The following XKR7 variants were observed in gnomAD, a reference collection of about 807,000 sequenced individuals.
The protein encoded by XKR7 is XK related 7, also known as XK-related protein 7.
In XKR7, 11 loss-of-function variants were observed where a neutral mutation model predicts 42.2. The ratio of observed to expected loss-of-function variants is 0.26; its 90% confidence interval spans 0.16 to 0.43. The LOEUF is 0.43. Among genes scored for constraint, XKR7 ranks in the 20% least tolerant of loss-of-function variants. XKR7 has a pLI of 1.00. For synonymous variants in XKR7, 346 were observed against 366.4 expected, an observed-to-expected ratio of 0.94 and a Z score of 0.64; for missense variants, 710 against 802.2, an observed-to-expected ratio of 0.89 and a Z score of 1.39.
rs1356687347 is a variant in XKR7 at position 31,995,293 on chromosome 20, T to G, written c.787+23T>G. On this transcript the variant is annotated intron_variant, in intron 2 of 2. Coordinates refer to ENST00000562532, the MANE Select transcript of XKR7 (RefSeq NM_001011718.2). The surrounding 1 kb of genome is among the most constrained non-coding windows in gnomAD (Gnocchi z 4.1). ...CGGGTGAGCCCGCCCCTTCACCCTCTGCGCCTGGGACCACCCCACCGGGCC... is the reference window on the plus strand; with the variant it reads ...CGGGTGAGCCCGCCCCTTCACCCTCGGCGCCTGGGACCACCCCACCGGGCC... 3.3e-6 allele frequency: 5 copies of G among 1,532,896 alleles called. No homozygotes were observed. Among genetic ancestry groups the G allele is most frequent in the Non-Finnish European group, 3.5e-6 (4 of 1,145,914 alleles). The allele number at this position is 1,532,896 out of a possible 1,614,324, so 95.0% of individuals were successfully genotyped here.
chr20:31,983,277 A>G (rs1358767240), intron 1 of XKR7, among the ~76,000 whole-genome samples: 1 of 152,244 alleles, frequency 6.6e-6, no homozygotes, highest in Non-Finnish European at 1.5e-5. Flanking sequence ...GGGGAAAGAC[A>G]GGCAATAAAT....
intron 1 of XKR7, among the ~76,000 whole-genome samples, chr20:31,992,514 A>G (rs559235418): frequency 6.6e-6 from 1 of 152,220 alleles, no homozygotes; most frequent in Non-Finnish European, 1.5e-5. Context: ...GCGTGTGAGC[A>G]GTGGGTATAG....
At chr20:31,992,746 C>T (rs1437203843) in intron 1 of XKR7, among the ~76,000 whole-genome samples, 2 of 152,088 alleles carry the variant, frequency 1.3e-5, no homozygotes, top group Non-Finnish European at 2.9e-5. Context: ...ATGTTCCTGG[C>T]CTCATTTTGC....
Position 31,999,959 on chromosome 20 carries a change from C to G in XKR7, c.*2502C>G, listed in dbSNP as rs974122014. ...GCAGGGCTTGGCATGGTCTGAGGCT[C>G]GCAGGGAAGCCATGGCTACATTTTT... On this transcript the variant is annotated 3_prime_UTR_variant, in exon 3 of 3. Transcript: ENST00000562532. 1.3e-5 allele frequency: 2 copies of G among 152,388 alleles called. No individual in the cohort carries two copies. The highest frequency in any genetic ancestry group is 2.9e-5 in the Non-Finnish European group (2 of 68,276). 9.4% of individuals were successfully genotyped at this position (152,388 alleles called of 1,614,324 possible). A position where few individuals can be genotyped will look rare whatever the true frequency, so the allele number is the denominator to read the frequency against.
chr20:31,993,056 G>A lies in XKR7; in HGVS notation c.585-2012G>A, dbSNP rs950452280. On this transcript the variant is annotated intron_variant, in intron 1 of 2. Coordinates refer to ENST00000562532, the MANE Select transcript of XKR7 (RefSeq NM_001011718.2). ...CTCCCCAGTTTCAGATCCAGGCAGC[G>A]GGGTCAGAGAATCTGTGTAAGGGTT... Among the ~76,000 whole-genome samples the A allele has an allele frequency of 5.3e-5, 8 of 151,676 alleles. No individual in the cohort carries two copies. In the East Asian group the frequency reaches 5.8e-4, roughly 11 times the overall value.
chr20:31,988,985 C>G lies in XKR7; in HGVS notation c.585-6083C>G, dbSNP rs532557690. 2.0e-5 allele frequency among the ~76,000 whole-genome samples: 3 copies of G among 152,278 alleles called. No homozygotes were observed. In the South Asian group the frequency reaches 6.2e-4, roughly 32 times the overall value. On this transcript the variant is annotated intron_variant, in intron 1 of 2. Transcript: ENST00000562532. ...AGTGCCTATTCTACAGGCACTGATG[C>G]TGGGGACACAGGGGTGATCAAGACA...
chr20:31,988,367 C>A, intron 1 of XKR7, among the ~76,000 whole-genome samples: 1 of 152,040 alleles, frequency 6.6e-6, no homozygotes, highest in Non-Finnish European at 1.5e-5. Context: ...GGAATGAGCT[C>A]CTATTCATTT....
chr20:31,989,354 C>T (rs2064558701), intron 1 of XKR7, among the ~76,000 whole-genome samples: 1 of 151,824 alleles, frequency 6.6e-6, no homozygotes, highest in Non-Finnish European at 1.5e-5. Context: ...CAGGCAGGGC[C>T]AGATGGTTTA....
At chr20:31,991,261 T>C (rs373080457) in intron 1 of XKR7, among the ~76,000 whole-genome samples, 1 of 152,304 alleles carries the variant, frequency 6.6e-6, no homozygotes, top group African/African-American at 2.4e-5. Context: ...CCCTTCACAT[T>C]GGACCAGCTG....
chr20:31,985,301 T>A (rs1218474221), intron 1 of XKR7, among the ~76,000 whole-genome samples: 1 of 152,044 alleles, frequency 6.6e-6, no homozygotes, highest in Non-Finnish European at 1.5e-5. Context: ...CACTGGAAGC[T>A]GCTGTGTGTT....
rs1210285794 is a variant in XKR7, at chr20:32,003,346, T to G, written c.*5889T>G. ...CACAAACTTTTTGTATATTTTTAATTTTGCTGCGACATGAGATATTAAAAG... is the reference window on the plus strand; with the variant it reads ...CACAAACTTTTTGTATATTTTTAATGTTGCTGCGACATGAGATATTAAAAG... On this transcript the variant is annotated 3_prime_UTR_variant, in exon 3 of 3. Coordinates refer to ENST00000562532, the MANE Select transcript of XKR7 (RefSeq NM_001011718.2). The G allele has an allele frequency of 6.6e-6, 1 of 152,206 alleles. No individual in the cohort carries two copies. The highest frequency in any genetic ancestry group is 1.5e-5 in the Non-Finnish European group (1 of 68,048). 9.4% of individuals were successfully genotyped at this position (152,206 alleles called of 1,614,324 possible). A position where few individuals can be genotyped will look rare whatever the true frequency, so the allele number is the denominator to read the frequency against.
chr20:31,994,999 C>T, intron 1 of XKR7, 69 bp from the exon 2 acceptor site: 2 of 1,527,304 alleles, frequency 1.3e-6, no homozygotes, highest in Non-Finnish European at 1.7e-6. Flanking sequence ...CTGTGGGCGG[C>T]TCGGGGCTGG....
At position 31,990,186 on chromosome 20, in the gene XKR7, G is replaced by A. The variant is rs552402481; in HGVS notation, c.585-4882G>A. 4.0e-5 allele frequency among the ~76,000 whole-genome samples: 6 copies of A among 151,418 alleles called. No homozygotes were observed. The East Asian group carries it at 9.7e-4, about 24-fold the overall frequency. On this transcript the variant is annotated intron_variant, in intron 1 of 2. Transcript: ENST00000562532. ...CTATTTTTAAATTCATTGCGTGTGT[G>A]TGTGTGTGTGTGTGTGTGTGTGTGT...
At chr20:31,991,435 C>G (rs78562250) in intron 1 of XKR7, among the ~76,000 whole-genome samples, 22 of 151,932 alleles carry the variant, frequency 1.4e-4, no homozygotes, top group Non-Finnish European at 3.1e-4. Context: ...CTCCAGATCT[C>G]TCTCTGCCCT....
intron 1 of XKR7, among the ~76,000 whole-genome samples, chr20:31,983,840 G>A (rs149330310): frequency 0.013 from 2,017 of 152,140 alleles, 33 homozygotes; most frequent in Admixed American, 0.028. Flanking sequence ...CCAGCTACTT[G>A]GAAGGCTGAG....
intron 1 of XKR7, among the ~76,000 whole-genome samples, chr20:31,982,480 C>T (rs1236812666): frequency 6.6e-6 from 1 of 150,386 alleles, no homozygotes; most frequent in Non-Finnish European, 1.5e-5. Context: ...TGAGATCGAG[C>T]CACTACACTC....
At position 31,995,234 on chromosome 20, in the gene XKR7, C is replaced by T; in HGVS notation, c.751C>T (p.Leu251=). 6.5e-7 allele frequency: 1 copy of T among 1,541,684 alleles called. No homozygotes were observed. The highest frequency in any genetic ancestry group is 8.7e-7 in the Non-Finnish European group (1 of 1,146,232). Residue 251 remains leucine (L), a synonymous_variant, in exon 2 of 3, where the codon CTG becomes TTG. Transcript: ENST00000562532. This position sits in a 1 kb window ranked among gnomAD's most constrained non-coding sequence, Gnocchi z 4.1. The part of the protein sequence containing the change: ...APQLVLQLSL[L]VHRGGAPDLL... The stretch of plus-strand genomic sequence containing the variant: ...GCAGCTAGTGCTGCAGCTCAGCCTG[C>T]TGGTGCACCGCGGTGGCGCGCCCGA...
intron 2 of XKR7, 47 bp from the exon 3 acceptor site, chr20:31,996,458 A>T: frequency 5.6e-6 from 1 of 178,412 alleles, no homozygotes. Flanking sequence ...CCCCAACCCG[A>T]GCCCGCCCCT....
rs370678150 is a variant in XKR7, at chr20:31,968,607, C to A, written c.432C>A (p.Ser144Arg). The A allele has an allele frequency of 1.1e-5, 18 of 1,605,844 alleles. No homozygotes were observed. Among genetic ancestry groups the A allele is most frequent in the Non-Finnish European group, 1.5e-5 (18 of 1,178,684 alleles). ...AGGAAISTKDSAGAFRTKEGS... is the reference protein window; with the variant it reads ...AGGAAISTKDRAGAFRTKEGS... Reference sequence around the variant, plus strand: ...GAGCCGCCATCAGCACCAAGGACAGCGCCGGCGCCTTCCGGACCAAAGAAG... The same window carrying A: ...GAGCCGCCATCAGCACCAAGGACAGAGCCGGCGCCTTCCGGACCAAAGAAG... The change falls in exon 1 of 3, where the codon AGC becomes AGA. Residue 144 changes from serine to arginine, a missense_variant. Physicochemically the swap from Ser to Arg is moderately radical, Grantham distance 110. Coordinates refer to ENST00000562532, the MANE Select transcript of XKR7 (RefSeq NM_001011718.2). This position sits in a 1 kb window ranked among gnomAD's most constrained non-coding sequence, Gnocchi z 4.5.
Sources: gnomAD v4.1 joint callset for allele counts (sites outside exome capture counted in the v4.1 genomes callset) on GRCh38, gnomAD v4.1.1 for gene constraint, Gnocchi (gnomAD v3.1) non-coding constraint, MANE v1.5 for transcripts, NCBI Gene and HGNC (gene_info 2026-07-23, HGNC 2026-07-21) for gene names.